KIFAP3: variants seen among roughly 807,000 people sequenced by gnomAD.
The protein encoded by KIFAP3 is kinesin-associated protein 3.
KIFAP3 carries 68 observed loss-of-function variants against 106.5 expected under a neutral mutation model. The ratio of observed to expected loss-of-function variants is 0.64; its 90% CI spans 0.53 to 0.78. The LOEUF (loss-of-function observed/expected upper bound fraction) is 0.78. KIFAP3 is among the 30% of genes least tolerant of loss of function. The pLI, the probability that KIFAP3 is intolerant of heterozygous loss-of-function variation, is 0.00. For missense variants in KIFAP3, 780 were observed against 941.8 expected (o/e 0.83, Z 2.25); for synonymous variants, 320 against 311.5 (o/e 1.03, Z -0.29).
In KIFAP3 at chr1:170,016,642, A is replaced by G. The variant is rs1027198548; in HGVS notation, c.1021-18T>C. 1 of 1,504,972 alleles carries G rather than the reference A, an allele frequency of 6.6e-7. No individual in the cohort carries two copies. The highest frequency in any genetic ancestry group is 1.4e-5 in the African/African-American group (1 of 70,100). 93.2% of individuals were successfully genotyped at this position (1,504,972 alleles called of 1,614,324 possible). A position where few individuals can be genotyped will look rare whatever the true frequency, so the allele number is the denominator to read the frequency against. ...ATTTCCACCTAAGTAAAATAATAAT[A>G]CAAATACAGTGAAGTTCTGTTGCAA... On this transcript the variant is annotated intron_variant, in intron 9 of 19. Coordinates refer to ENST00000361580, the MANE Select transcript of KIFAP3 (RefSeq NM_014970.4).
At chr1:170,000,644 GCTTAA>G (rs1382233549) in intron 10 of KIFAP3, among the ~76,000 whole-genome samples, 19 of 152,054 alleles carry the variant, frequency 1.2e-4, no homozygotes, top group Non-Finnish European at 2.5e-4. Context: ...ATAATTTTAT[GCTTAA>G]CTTATTAGAG....
At chr1:170,004,059 A>T (rs1289646282) in intron 10 of KIFAP3, among the ~76,000 whole-genome samples, 1 of 152,192 alleles carries the variant, frequency 6.6e-6, no homozygotes, top group Non-Finnish European at 1.5e-5. Flanking sequence ...ATTCTTATAC[A>T]CCAATAACAG....
chr1:170,061,795 A>G (rs1313527969), intron 1 of KIFAP3, among the ~76,000 whole-genome samples: 1 of 152,236 alleles, frequency 6.6e-6, no homozygotes, highest in Non-Finnish European at 1.5e-5. Flanking sequence ...TGGATTAAGA[A>G]AATGTGGCAC....
chr1:169,998,395 TATATAC>T (rs1269270946), intron 10 of KIFAP3, among the ~76,000 whole-genome samples: 2,072 of 81,178 alleles, frequency 0.026, 14 homozygotes, highest in African/African-American at 0.032. Context: ...TATATATATA[TATATAC>T]ACACACACAC....
At chr1:169,977,132 A>T (rs139709178) in intron 16 of KIFAP3, among the ~76,000 whole-genome samples, 2 of 152,198 alleles carry the variant, frequency 1.3e-5, no homozygotes, top group African/African-American at 4.8e-5. Flanking sequence ...TATCTAACAC[A>T]TAAGCCAGTA....
At chr1:170,069,493 A>G (rs1671597940) in intron 1 of KIFAP3, among the ~76,000 whole-genome samples, 1 of 152,130 alleles carries the variant, frequency 6.6e-6, no homozygotes, top group African/African-American at 2.4e-5. Context: ...GTATATTAAA[A>G]GGACCACGCA....
intron 2 of KIFAP3, among the ~76,000 whole-genome samples, chr1:170,054,442 A>C (rs1392392624): frequency 6.6e-6 from 1 of 152,230 alleles, no homozygotes; most frequent in Non-Finnish European, 1.5e-5. Context: ...CATTTGATCC[A>C]GCAATCCCAT....
chr1:170,068,427 T>TA (rs1046510134), intron 1 of KIFAP3: 8 of 151,566 alleles, frequency 5.3e-5, no homozygotes, highest in Non-Finnish European at 8.8e-5. Flanking sequence ...ATAACTGAAA[T>TA]AAAAAAATCA....
At chr1:169,964,771 T>C (rs1333442778) in intron 17 of KIFAP3, among the ~76,000 whole-genome samples, 1 of 152,200 alleles carries the variant, frequency 6.6e-6, no homozygotes, top group East Asian at 1.9e-4. Flanking sequence ...TTATGTAATA[T>C]AGGCATATGA....
intron 5 of KIFAP3, among the ~76,000 whole-genome samples, chr1:170,035,855 T>C: frequency 6.6e-6 from 1 of 152,196 alleles, no homozygotes; most frequent in East Asian, 1.9e-4. Context: ...TTTCTTAATT[T>C]AATAACCTTA....
chr1:169,940,704 C>G (rs989749823), intron 19 of KIFAP3, among the ~76,000 whole-genome samples: 1 of 152,184 alleles, frequency 6.6e-6, no homozygotes, highest in Admixed American at 6.5e-5. Context: ...AAGTTCCCAA[C>G]AGGCCATGGA....
chr1:169,950,151 A>C (rs1004575070), intron 19 of KIFAP3, among the ~76,000 whole-genome samples: 1 of 152,066 alleles, frequency 6.6e-6, no homozygotes, highest in Admixed American at 6.6e-5. Flanking sequence ...GAAATAAATA[A>C]TTTTTCTTTA....
intron 16 of KIFAP3, among the ~76,000 whole-genome samples, chr1:169,976,469 A>T (rs1332802269): frequency 6.6e-6 from 1 of 152,038 alleles, no homozygotes; most frequent in Admixed American, 6.6e-5. Context: ...CTTATGTTCC[A>T]TGGAATACAG....
At chr1:170,073,416 G>A (rs1231456800) in intron 1 of KIFAP3, among the ~76,000 whole-genome samples, 1 of 152,166 alleles carries the variant, frequency 6.6e-6, no homozygotes, top group Non-Finnish European at 1.5e-5. Context: ...CTAACACTTG[G>A]AAGATCTTTC....
chr1:170,026,996 A>G (rs1441099746), intron 8 of KIFAP3, among the ~76,000 whole-genome samples: 1 of 151,466 alleles, frequency 6.6e-6, no homozygotes, highest in Non-Finnish European at 1.5e-5. Flanking sequence ...CAACAATGTA[A>G]ATTTCACTGT....
chr1:169,923,037 T>TAAAG (rs1229690694), intron 19 of KIFAP3: 2 of 969,744 alleles, frequency 2.1e-6, no homozygotes, highest in Admixed American at 6.2e-5. Flanking sequence ...AGAGTAAATG[T>TAAAG]AAAGAGCCAA....
Position 170,074,677 on chromosome 1 carries a change from G to C in KIFAP3, c.-210C>G. ...TGCCCCAAAACACTGGAGCGGCCCAGACCCGCCCAGAGTCGCCTAAGCCGG... is the reference window on the plus strand; with the variant it reads ...TGCCCCAAAACACTGGAGCGGCCCACACCCGCCCAGAGTCGCCTAAGCCGG... On this transcript the variant is annotated 5_prime_UTR_variant, in exon 1 of 20. Coordinates refer to ENST00000361580, the MANE Select transcript of KIFAP3 (RefSeq NM_014970.4). 1 of 1,425,576 alleles carries C rather than the reference G, an allele frequency of 7.0e-7. No individual in the cohort carries two copies. The highest frequency in any genetic ancestry group is 9.2e-7 in the Non-Finnish European group (1 of 1,090,170). 88.3% of individuals were successfully genotyped at this position (1,425,576 alleles called of 1,614,324 possible).
intron 19 of KIFAP3, among the ~76,000 whole-genome samples, chr1:169,933,107 T>G (rs537072149): frequency 2.6e-5 from 4 of 152,136 alleles, no homozygotes; most frequent in African/African-American, 9.6e-5. Context: ...CAGCTAAGCA[T>G]GATAACTTAA....
At chr1:169,953,452 T>C (rs1318552531) in intron 19 of KIFAP3, among the ~76,000 whole-genome samples, 1 of 124,950 alleles carries the variant, frequency 8.0e-6, no homozygotes, top group Non-Finnish European at 1.8e-5. Flanking sequence ...GGCAAAAGTA[T>C]TGTTTGTGTC....
Sources: gnomAD v4.1 joint callset for allele counts (sites outside exome capture counted in the v4.1 genomes callset) on GRCh38, gnomAD v4.1.1 for gene constraint, MANE v1.5 for transcripts, NCBI Gene and HGNC (gene_info 2026-07-23, HGNC 2026-07-21) for gene names.